Variants in PAH observed in about 807,000 individuals in gnomAD.
PAH encodes the protein phenylalanine hydroxylase, also known as phenylalanine-4-hydroxylase.
In PAH, 64 loss-of-function variants were observed where a neutral mutation model predicts 62.0. The ratio of observed to expected loss-of-function variants is 1.03; its 90% CI spans 0.84 to 1.27. PAH has a LOEUF of 1.27. Ranked by LOEUF, PAH falls within the 50% of genes most tolerant of loss-of-function variation. PAH has a pLI of 0.00. For missense variants in PAH, 579 were observed against 542.8 expected (o/e 1.07, Z -0.66); for synonymous variants, 195 against 196.2 (o/e 0.99, Z 0.05).
At chr12:102,944,960 G>A (rs1288026855) in intron 1 of PAH, 4 of 152,322 alleles carry the variant, frequency 2.6e-5, no homozygotes, top group African/African-American at 4.8e-5. Flanking sequence ...TGATCACTGC[G>A]GCTGCATTTG....
At chr12:102,946,235 T>C (rs1287378787) in intron 1 of PAH, among the ~76,000 whole-genome samples, 1 of 151,910 alleles carries the variant, frequency 6.6e-6, no homozygotes, top group Non-Finnish European at 1.5e-5. Context: ...GGAAGAGGGG[T>C]GAGACAAGCA....
chr12:102,849,465 T>C (rs578201218), intron 8 of PAH, among the ~76,000 whole-genome samples: 169 of 152,240 alleles, frequency 1.1e-3, no homozygotes, highest in South Asian at 2.3e-3. Flanking sequence ...AGAGTAGAGA[T>C]GGTATTTAAA....
rs62516155 is a variant in PAH, at chr12:102,852,827, T to C, written c.830A>G (p.Tyr277Cys). Residue 277 changes from tyrosine (Y) to cysteine (C), a missense_variant, in exon 7 of 13, where the codon TAT (tyrosine) becomes TGT (cysteine). Transcript: ENST00000553106. ...QYIRHGSKPM[Y>C]TPEPDICHEL... The stretch of plus-strand genomic sequence containing the variant: ...GGACAGTACTCACGGTTCGGGGGTA[T>C]ACATGGGCTTGGATCCATGTCTGAT... 3.1e-6 allele frequency: 5 copies of C among 1,613,880 alleles called. No individual in the cohort carries two copies. The highest frequency in any genetic ancestry group is 3.3e-5 in the Admixed American group (2 of 59,986).
intron 2 of PAH, among the ~76,000 whole-genome samples, chr12:102,910,171 A>C (rs983815338): frequency 2.0e-5 from 3 of 152,158 alleles, no homozygotes; most frequent in Admixed American, 2.0e-4. Context: ...GCTAGACATA[A>C]TGTATATGCT....
At chr12:102,958,421 G>GCAGCAA (rs1880008909), upstream of PAH, 4 of 1,545,950 alleles carry the variant, frequency 2.6e-6, no homozygotes, top group African/African-American at 5.5e-5. Flanking sequence ...AGCAGCAGCA[G>GCAGCAA]CAGCAGCAGG....
chr12:102,955,257 G>A (rs1477842035), upstream of PAH, among the ~76,000 whole-genome samples: 5 of 152,234 alleles, frequency 3.3e-5, no homozygotes, highest in African/African-American at 1.2e-4. Context: ...CTCTGTGTAT[G>A]CATCCTGGAA....
intron 1 of PAH, chr12:102,913,688 C>A: frequency 3.1e-6 from 2 of 646,848 alleles, no homozygotes; most frequent in East Asian, 2.8e-5. Context: ...AGATCTGAGA[C>A]ATCCAATTGT....
chr12:102,872,094 T>C (rs993523382), intron 4 of PAH, among the ~76,000 whole-genome samples: 2 of 151,834 alleles, frequency 1.3e-5, no homozygotes, highest in African/African-American at 4.8e-5. Flanking sequence ...TTACTACTTA[T>C]AAAGTTACAA....
chr12:102,917,985 T>C (rs978532804), upstream of PAH, among the ~76,000 whole-genome samples: 1 of 152,212 alleles, frequency 6.6e-6, no homozygotes, highest in Non-Finnish European at 1.5e-5. Flanking sequence ...ACCTGTACCG[T>C]GTGCTTGGTG....
intron 2 of PAH, among the ~76,000 whole-genome samples, chr12:102,895,888 A>ATC (rs1877486133): frequency 6.8e-6 from 1 of 147,194 alleles, no homozygotes; most frequent in Non-Finnish European, 1.5e-5. Flanking sequence ...ATATATATAT[A>ATC]TATGTATATA....
At chr12:102,916,605 C>G (rs141792541) in intron 1 of PAH, 2 of 198,146 alleles carry the variant, frequency 1.0e-5, no homozygotes, top group Non-Finnish European at 2.1e-5. Flanking sequence ...TCATCTTCTT[C>G]CCAAAATGAA....
At chr12:102,895,549 C>T (rs2136702945) in intron 2 of PAH, among the ~76,000 whole-genome samples, 1 of 152,088 alleles carries the variant, frequency 6.6e-6, no homozygotes, top group South Asian at 2.1e-4. Context: ...ATAATTACCA[C>T]TAATATATTT....
At chr12:102,916,949 C>T (rs1592991058) in intron 1 of PAH, 122 bp downstream of exon 1, 1 of 889,198 alleles carries the variant, frequency 1.1e-6, no homozygotes, top group East Asian at 2.4e-5. Flanking sequence ...TTCTCATCAG[C>T]TTCCAACGAA....
chr12:102,858,750 A>G (rs538596094), intron 5 of PAH, among the ~76,000 whole-genome samples: 3 of 152,366 alleles, frequency 2.0e-5, no homozygotes, highest in Non-Finnish European at 4.4e-5. Flanking sequence ...ATGAAGGCAG[A>G]GATAAAGACG....
intron 3 of PAH, among the ~76,000 whole-genome samples, chr12:102,879,292 C>A (rs946399392): frequency 6.6e-6 from 1 of 151,908 alleles, no homozygotes; most frequent in Non-Finnish European, 1.5e-5. Flanking sequence ...CAAAGGGCGC[C>A]GCTCAGCGTC....
intron 1 of PAH, among the ~76,000 whole-genome samples, chr12:102,949,883 G>T (rs1485120926): frequency 6.6e-6 from 1 of 152,162 alleles, no homozygotes; most frequent in Non-Finnish European, 1.5e-5. Context: ...CTGCTTTAAT[G>T]TCTACTAAGT....
At chr12:102,952,680 T>C (rs1565887031), upstream of PAH, among the ~76,000 whole-genome samples, 2 of 152,170 alleles carry the variant, frequency 1.3e-5, no homozygotes, top group East Asian at 3.8e-4. Flanking sequence ...GGCTGCAAAT[T>C]ACCTCCTCAC....
intron 1 of PAH, among the ~76,000 whole-genome samples, chr12:102,944,296 A>G (rs1261403873): frequency 6.6e-6 from 1 of 152,108 alleles, no homozygotes; most frequent in East Asian, 1.9e-4. Flanking sequence ...TTGAACATTG[A>G]TATTGTTCTT....
chr12:102,882,800 G>C (rs1185592444), intron 3 of PAH, among the ~76,000 whole-genome samples: 4 of 151,650 alleles, frequency 2.6e-5, no homozygotes, highest in Non-Finnish European at 5.9e-5. Context: ...TTATCTCCTG[G>C]AGCCTTAGTT....
Sources: gnomAD v4.1 joint callset for allele counts (sites outside exome capture counted in the v4.1 genomes callset) on GRCh38, gnomAD v4.1.1 for gene constraint, MANE v1.5 for transcripts, NCBI Gene and HGNC (gene_info 2026-07-23, HGNC 2026-07-21) for gene names.